TBC1D2B: variants seen among roughly 807,000 people sequenced by gnomAD.
The protein encoded by TBC1D2B is TBC1 domain family, member 2B.
TBC1D2B carries 64 observed loss-of-function variants against 100.8 expected under a neutral mutation model. The observed-to-expected ratio is 0.64, with a 90% CI of 0.52 to 0.78. The LOEUF (loss-of-function observed/expected upper bound fraction) is 0.78, where lower values mean the gene tolerates loss of function less well. TBC1D2B is among the 30% of genes least tolerant of loss of function. The pLI, the probability that TBC1D2B is intolerant of heterozygous loss-of-function variation, is 0.00. For synonymous variants in TBC1D2B, 480 were observed against 479.7 expected, an observed-to-expected ratio of 1.00 and a Z score of -0.01; for missense variants, 1,052 against 1,218.4, an observed-to-expected ratio of 0.86 and a Z score of 2.03.
At chr15:78,009,847 C>T (rs1183012873) in intron 9 of TBC1D2B, among the ~76,000 whole-genome samples, 3 of 151,884 alleles carry the variant, frequency 2.0e-5, no homozygotes, top group Admixed American at 6.6e-5. Flanking sequence ...CGGTGGCGGG[C>T]GCCTGTAGTC....
At chr15:78,065,040 A>C (rs568687397) in intron 1 of TBC1D2B, among the ~76,000 whole-genome samples, 1 of 152,308 alleles carries the variant, frequency 6.6e-6, no homozygotes, top group East Asian at 1.9e-4. Context: ...TAGAACCCAT[A>C]ATCAATTTCC....
chr15:78,014,402 T>C (rs1359466161), intron 8 of TBC1D2B, among the ~76,000 whole-genome samples: 2 of 152,250 alleles, frequency 1.3e-5, no homozygotes, highest in African/African-American at 4.8e-5. Context: ...GTTAAAGGTA[T>C]GTATTTTCTA....
At chr15:78,026,432 G>C (rs376491605) in intron 4 of TBC1D2B, among the ~76,000 whole-genome samples, 1 of 152,042 alleles carries the variant, frequency 6.6e-6, no homozygotes. Flanking sequence ...CTTCCACCAA[G>C]GGACTATACA....
In TBC1D2B at chr15:78,030,123, C is replaced by T. The variant is rs2072772413; in HGVS notation, c.731G>A (p.Arg244Gln). The change falls in exon 4 of 13, where the codon CGG (arginine) becomes CAG (glutamine). Residue 244 changes from arginine to glutamine, a missense_variant. Coordinates refer to ENST00000300584, the MANE Select transcript of TBC1D2B (RefSeq NM_144572.2). The stretch of plus-strand genomic sequence containing the variant: ...TTCATTGGTATAAAACACAGTCCTC[C>T]GACTATCATTATGTCCTCTCCCAGG... ...FRPGRGHNDS[R>Q]RTVFYTNEEW... 6.2e-6 allele frequency: 10 copies of T among 1,613,566 alleles called. No homozygotes were observed. Among genetic ancestry groups the T allele is most frequent in the Middle Eastern group, 1.6e-4 (1 of 6,070 alleles).
chr15:78,065,674 C>T (rs2073641110), intron 1 of TBC1D2B, among the ~76,000 whole-genome samples: 2 of 152,128 alleles, frequency 1.3e-5, no homozygotes, highest in South Asian at 2.1e-4. Context: ...GATGGTCTTG[C>T]TCCACCTCTG....
intron 1 of TBC1D2B, among the ~76,000 whole-genome samples, chr15:78,069,470 AC>A (rs2073712179): frequency 6.6e-6 from 1 of 152,136 alleles, no homozygotes; most frequent in African/African-American, 2.4e-5. Context: ...AAATACATCA[AC>A]CCTTTGTACC....
At chr15:78,028,569 G>A (rs537206715) in intron 4 of TBC1D2B, among the ~76,000 whole-genome samples, 2 of 152,324 alleles carry the variant, frequency 1.3e-5, no homozygotes, top group East Asian at 1.9e-4. Context: ...AGATGACAAC[G>A]CTAAATCCTG....
chr15:78,068,383 C>CCACACCCA (rs1555422890), intron 1 of TBC1D2B, among the ~76,000 whole-genome samples: 20 of 143,110 alleles, frequency 1.4e-4, no homozygotes, highest in Non-Finnish European at 2.1e-4. Flanking sequence ...CACACCACAC[C>CCACACCCA]CACACACACA....
rs79853622 is a variant in TBC1D2B at position 78,009,579 on chromosome 15, T to C, written c.2271-465A>G. 2.7e-3 allele frequency among the ~76,000 whole-genome samples: 404 copies of C among 152,220 alleles called. 3 individuals carry two copies. Among genetic ancestry groups the C allele is most frequent in the African/African-American group, 9.4e-3 (389 of 41,532 alleles). On this transcript the variant is annotated intron_variant, in intron 9 of 12. Transcript: ENST00000300584. ...AGGAGGGGGTGCATTTCCTAAAATT[T>C]GAGAAGCAAAGCTACTTTTCCCCAC...
intron 6 of TBC1D2B, among the ~76,000 whole-genome samples, chr15:78,020,657 C>T (rs2072493977): frequency 6.6e-6 from 1 of 152,178 alleles, no homozygotes; most frequent in Non-Finnish European, 1.5e-5. Context: ...CTCCAGAGGC[C>T]ATGCTCAATG....
chr15:78,036,011 A>C (rs2072936780), intron 3 of TBC1D2B, among the ~76,000 whole-genome samples: 1 of 152,182 alleles, frequency 6.6e-6, no homozygotes, highest in Admixed American at 6.5e-5. Flanking sequence ...GGGCCTCATG[A>C]CATGGTAAAT....
intron 9 of TBC1D2B, among the ~76,000 whole-genome samples, chr15:78,010,968 C>T (rs1372571075): frequency 6.6e-6 from 1 of 152,084 alleles, no homozygotes; most frequent in Non-Finnish European, 1.5e-5. Flanking sequence ...ATTACTGTAC[C>T]CCAAACAGGC....
In TBC1D2B at chr15:78,024,543, G is replaced by T. The variant is rs755390863; in HGVS notation, c.1087-4C>A. On this transcript the variant is annotated splice_region_variant and splice_polypyrimidine_tract_variant and intron_variant, in intron 5 of 12. Transcript: ENST00000300584. ...GCTGGAGCAGTCGAACAAGCTCCTG[G>T]GAGCCAAAAGGAGAATGGAGTGAAG... 2 of 1,602,600 alleles carry T rather than the reference G, an allele frequency of 1.2e-6. No homozygotes were observed. Among genetic ancestry groups the T allele is most frequent in the Admixed American group, 3.4e-5 (2 of 59,206 alleles).
rs2071967672 is a variant in TBC1D2B at position 78,003,338 on chromosome 15, T to C, written c.2541A>G (p.Lys847=). The change falls in exon 11 of 13, where the codon AAA becomes AAG. Residue 847 remains lysine, a synonymous_variant. Transcript: ENST00000300584. ...VDSVVSDILF[K]IWDSFLYEGP... Reference sequence around the variant, plus strand: ...CTTCATAAAGGAAAGAGTCCCATATTTTAAAGAGGATGTCACTAACGACAC... The same window carrying C: ...CTTCATAAAGGAAAGAGTCCCATATCTTAAAGAGGATGTCACTAACGACAC... 1 of 1,613,822 alleles carries C rather than the reference T, an allele frequency of 6.2e-7. No individual in the cohort carries two copies. The highest frequency in any genetic ancestry group is 2.2e-5 in the East Asian group (1 of 44,878).
intron 10 of TBC1D2B, among the ~76,000 whole-genome samples, chr15:78,004,339 A>C (rs1456263278): frequency 6.6e-6 from 1 of 152,184 alleles, no homozygotes; most frequent in Non-Finnish European, 1.5e-5. Flanking sequence ...GCCCTGTGGA[A>C]CCATGGACAG....
intron 1 of TBC1D2B, among the ~76,000 whole-genome samples, chr15:78,067,240 C>G (rs2073673483): frequency 6.6e-6 from 1 of 152,166 alleles, no homozygotes; most frequent in African/African-American, 2.4e-5. Flanking sequence ...GAGGGCCTCT[C>G]CAGTTCTAAC....
intron 12 of TBC1D2B, chr15:77,998,948 C>A: frequency 5.5e-6 from 1 of 181,718 alleles, no homozygotes. Flanking sequence ...CAGGTCAAGG[C>A]TCCAATTTTC....
intron 4 of TBC1D2B, among the ~76,000 whole-genome samples, chr15:78,027,119 C>T (rs1467025326): frequency 1.3e-5 from 2 of 151,828 alleles, no homozygotes; most frequent in Non-Finnish European, 2.9e-5. Context: ...AATATATATA[C>T]TCACATTATA....
At chr15:78,027,687 G>A (rs1318903677) in intron 4 of TBC1D2B, among the ~76,000 whole-genome samples, 1 of 152,194 alleles carries the variant, frequency 6.6e-6, no homozygotes, top group Non-Finnish European at 1.5e-5. Flanking sequence ...AAGCACTCCC[G>A]ATTCTTCCTC....
Sources: allele counts gnomAD v4.1 joint callset (sites outside exome capture counted in the v4.1 genomes callset), GRCh38; gene constraint gnomAD v4.1.1; transcripts MANE v1.5; gene names NCBI Gene and HGNC (gene_info 2026-07-23, HGNC 2026-07-21).